CDYL: variants seen among roughly 807,000 people sequenced by gnomAD.
The protein encoded by CDYL is chromodomain Y-like protein.
In CDYL, 8 loss-of-function variants were observed where a neutral mutation model predicts 47.3. The observed-to-expected ratio is 0.17, with a 90% CI of 0.10 to 0.31. The LOEUF is 0.31. Ranked by LOEUF, CDYL falls within the 10% of genes least tolerant of loss-of-function variation. The probability of loss-of-function intolerance (pLI) is 1.00; values close to 1 mark genes in which losing one functional copy is unlikely to be tolerated. For synonymous variants in CDYL, 266 were observed against 265.0 expected (o/e 1.00, Z -0.04); for missense variants, 471 against 701.4 (o/e 0.67, Z 3.71).
intron 2 of CDYL, among the ~76,000 whole-genome samples, chr6:4,912,709 G>T (rs1281333468): frequency 6.6e-6 from 1 of 152,158 alleles, no homozygotes; most frequent in African/African-American, 2.4e-5. Context: ...CAGGATCAAG[G>T]GGCCCCCTCT....
At chr6:4,713,351 A>G (rs1275475143) in intron 1 of CDYL, among the ~76,000 whole-genome samples, 2 of 152,136 alleles carry the variant, frequency 1.3e-5, no homozygotes, top group African/African-American at 4.8e-5. Context: ...ATAAGCTAGA[A>G]AGGTCCCCAA....
At chr6:4,781,099 T>C (rs1223087954) in intron 1 of CDYL, among the ~76,000 whole-genome samples, 2 of 152,238 alleles carry the variant, frequency 1.3e-5, no homozygotes, top group African/African-American at 4.8e-5. Context: ...ATGTTTTCAT[T>C]TTCAAAAATG....
chr6:4,755,489 A>G (rs1758061312), intron 3 of CDYL, among the ~76,000 whole-genome samples: 1 of 152,226 alleles, frequency 6.6e-6, no homozygotes, highest in Admixed American at 6.5e-5. Context: ...AGTATCAACT[A>G]TCATTCTTAA....
At chr6:4,940,063 C>T (rs1006087145) in intron 4 of CDYL, among the ~76,000 whole-genome samples, 3 of 152,118 alleles carry the variant, frequency 2.0e-5, no homozygotes. Flanking sequence ...GCGCTGGGAT[C>T]AGTAAAAGCA....
At position 4,900,788 on chromosome 6, in the gene CDYL, T is replaced by TAG. The variant is rs1561697480; in HGVS notation, c.691+8410_691+8411insGA. Reference sequence around the variant, plus strand: ...AATTCCGTATACGTGTGTATATATATATATATATATATATATATATATATA... The same window carrying TAG: ...AATTCCGTATACGTGTGTATATATATAGATATATATATATATATATATATATA... On this transcript the variant is annotated intron_variant, in intron 2 of 6. Coordinates refer to ENST00000397588, the MANE Select transcript of CDYL (RefSeq NM_004824.4). Among the ~76,000 whole-genome samples, 169 of 40,094 alleles carry TAG rather than the reference T, an allele frequency of 4.2e-3. 7 individuals are homozygous for TAG. The highest frequency in any genetic ancestry group is 0.021 in the African/African-American group (158 of 7,532). 26.3% of individuals were successfully genotyped at this position (40,094 alleles called of 152,430 possible). A position where few individuals can be genotyped will look rare whatever the true frequency, so the allele number is the denominator to read the frequency against.
rs1294066498 is a variant in CDYL, at chr6:4,852,431, CCTTCCTTCCTTCCTTCCAAT to C, written c.25-39244_25-39225del. Among the ~76,000 whole-genome samples, 1,067 of 113,868 alleles carry C rather than the reference CCTTCCTTCCTTCCTTCCAAT, an allele frequency of 9.4e-3. 17 individuals are homozygous for C. The highest frequency in any genetic ancestry group is 0.029 in the Middle Eastern group (5 of 174). 74.7% of individuals were successfully genotyped at this position (113,868 alleles called of 152,430 possible). ...TTCCTTCCAATCTTCCTTCCTTCCT[CCTTCCTTCCTTCCTTCCAAT>C]CTTCCTTCCTTCCTTCCAATCTTCC... On this transcript the variant is annotated intron_variant, in intron 1 of 6. Transcript: ENST00000397588.
chr6:4,936,661 C>T (rs1410818476), intron 3 of CDYL, among the ~76,000 whole-genome samples: 1 of 152,176 alleles, frequency 6.6e-6, no homozygotes, highest in African/African-American at 2.4e-5. Context: ...CGCACTTACG[C>T]ACCAAACTAT....
At chr6:4,734,660 G>GC in intron 2 of CDYL, 1 of 1,501,746 alleles carries the variant, frequency 6.7e-7, no homozygotes, top group Non-Finnish European at 9.0e-7. Context: ...GAAGGGGAGG[G>GC]CACAGGGATG....
intron 1 of CDYL, among the ~76,000 whole-genome samples, chr6:4,835,362 A>T (rs1439215143): frequency 6.6e-6 from 1 of 152,224 alleles, no homozygotes. Context: ...CCTGGGTATC[A>T]GCAGTGGTGT....
intron 1 of CDYL, among the ~76,000 whole-genome samples, chr6:4,792,785 T>C (rs1758962855): frequency 6.6e-6 from 1 of 152,136 alleles, no homozygotes. Flanking sequence ...CCAAGATCAT[T>C]GTCTGCTGTG....
chr6:4,924,842 T>G (rs1429150226), intron 2 of CDYL, among the ~76,000 whole-genome samples: 1 of 152,168 alleles, frequency 6.6e-6, no homozygotes, highest in African/African-American at 2.4e-5. Context: ...GAAATGAGAT[T>G]AGAGGTACAG....
chr6:4,830,635 G>T (rs1036559070), intron 1 of CDYL, among the ~76,000 whole-genome samples: 2 of 150,946 alleles, frequency 1.3e-5, no homozygotes, highest in Admixed American at 1.3e-4. Flanking sequence ...TAAGTTTTAG[G>T]GTACATGTGC....
intron 4 of CDYL, among the ~76,000 whole-genome samples, chr6:4,941,027 T>G (rs1437123749): frequency 6.6e-6 from 1 of 152,218 alleles, no homozygotes; most frequent in Non-Finnish European, 1.5e-5. Context: ...ATTTCCAGAT[T>G]AGTAAATGTC....
At chr6:4,843,617 T>G (rs1760568551) in intron 1 of CDYL, among the ~76,000 whole-genome samples, 1 of 152,150 alleles carries the variant, frequency 6.6e-6, no homozygotes, top group East Asian at 1.9e-4. Context: ...ATTCTGTTGC[T>G]TAGACTTCTG....
chr6:4,871,555 G>A (rs754136667), intron 1 of CDYL, among the ~76,000 whole-genome samples: 57 of 152,160 alleles, frequency 3.7e-4, no homozygotes, highest in Middle Eastern at 3.2e-3. Flanking sequence ...CTGGTTAGGA[G>A]GCTCCAACAC....
chr6:4,852,651 G>A (rs1374159205), intron 1 of CDYL, among the ~76,000 whole-genome samples: 1 of 150,632 alleles, frequency 6.6e-6, no homozygotes, highest in Non-Finnish European at 1.5e-5. Flanking sequence ...GTTTACATTT[G>A]GTGTAAAATC....
intron 3 of CDYL, among the ~76,000 whole-genome samples, chr6:4,746,167 C>T (rs1256582668): frequency 2.6e-5 from 4 of 152,006 alleles, no homozygotes; most frequent in Admixed American, 1.3e-4. Flanking sequence ...AGTTCTAGAC[C>T]GGCCTGACCA....
chr6:4,922,573 A>G (rs1561710275), intron 2 of CDYL, among the ~76,000 whole-genome samples: 1 of 152,174 alleles, frequency 6.6e-6, no homozygotes. Context: ...GCACGGCGTA[A>G]TCCAGGTGGT....
chr6:4,826,750 G>C (rs1411381328), intron 1 of CDYL, among the ~76,000 whole-genome samples: 1 of 152,164 alleles, frequency 6.6e-6, no homozygotes, highest in African/African-American at 2.4e-5. Context: ...CTTGTTATGA[G>C]GTCTGACATT....
Sources: gnomAD v4.1 joint callset for allele counts (sites outside exome capture counted in the v4.1 genomes callset) on GRCh38, gnomAD v4.1.1 for gene constraint, MANE v1.5 for transcripts, NCBI Gene and HGNC (gene_info 2026-07-23, HGNC 2026-07-21) for gene names.